RALGPS1: variants seen among roughly 807,000 people sequenced by gnomAD.
RALGPS1 encodes the protein Ral GEF with PH domain and SH3 binding motif 1, also known as ras-specific guanine nucleotide-releasing factor RalGPS1.
RALGPS1 carries 19 observed loss-of-function variants against 78.8 expected under a neutral mutation model. The ratio of observed to expected loss-of-function variants is 0.24; its 90% confidence interval spans 0.17 to 0.35. The LOEUF (loss-of-function observed/expected upper bound fraction) is 0.35, where lower values mean the gene tolerates loss of function less well. RALGPS1 is among the 10% of genes least tolerant of loss of function. The pLI is 1.00. For missense variants in RALGPS1, 454 were observed against 688.3 expected (o/e 0.66, Z 3.81); for synonymous variants, 228 against 256.3 (o/e 0.89, Z 1.06).
chr9:127,127,715 G>A (rs901856899), intron 8 of RALGPS1, among the ~76,000 whole-genome samples: 1 of 152,168 alleles, frequency 6.6e-6, no homozygotes, highest in African/African-American at 2.4e-5. Flanking sequence ...AACCATATGA[G>A]TGAAATATTA....
At chr9:127,055,893 G>A (rs909808751) in intron 7 of RALGPS1, among the ~76,000 whole-genome samples, 9 of 152,204 alleles carry the variant, frequency 5.9e-5, no homozygotes, top group African/African-American at 2.2e-4. Flanking sequence ...TCTCTGTCTT[G>A]GGTGTGGCTG....
In RALGPS1 at chr9:127,161,867, G is replaced by A. The variant is rs1253743984; in HGVS notation, c.611-4202G>A. ...CCCAGCTGTGTGGCCACAGACAAAC[G>A]GTATTCCCGGTGCACTCTCAGCTTC... On this transcript the variant is annotated intron_variant, in intron 8 of 18. Transcript: ENST00000259351. Among the ~76,000 whole-genome samples, 3 of 152,038 alleles carry A rather than the reference G, an allele frequency of 2.0e-5. No individual in the cohort carries two copies. The East Asian group carries it at 5.8e-4, about 29-fold the overall frequency.
At chr9:127,197,885 TCATGGGACCCTCTTCCTTGGAGTGTC>T (rs2061426520) in intron 13 of RALGPS1, among the ~76,000 whole-genome samples, 1 of 152,200 alleles carries the variant, frequency 6.6e-6, no homozygotes. Context: ...CATTCTTTGG[TCATGGGACCCTCTTCCTTGGAGTGTC>T]CAATGGGACC....
intron 9 of RALGPS1, among the ~76,000 whole-genome samples, chr9:127,168,322 C>G (rs2059392863): frequency 6.6e-6 from 1 of 152,180 alleles, no homozygotes; most frequent in African/African-American, 2.4e-5. Flanking sequence ...TTTTAGGGCA[C>G]AGACACCTGG....
intron 1 of RALGPS1, among the ~76,000 whole-genome samples, chr9:126,919,402 T>C (rs1295904009): frequency 1.3e-5 from 2 of 152,210 alleles, no homozygotes; most frequent in Non-Finnish European, 2.9e-5. Flanking sequence ...GCAATCCATG[T>C]ATCTGGATGC....
chr9:126,956,090 G>T (rs12336576), intron 1 of RALGPS1, among the ~76,000 whole-genome samples: 1,582 of 152,316 alleles, frequency 0.01, 107 homozygotes, highest in Admixed American at 0.089. Flanking sequence ...ACTCCCGAGG[G>T]TGTGGCACCT....
At chr9:127,101,285 G>A (rs905264795) in intron 8 of RALGPS1, among the ~76,000 whole-genome samples, 24 of 152,238 alleles carry the variant, frequency 1.6e-4, no homozygotes, top group Non-Finnish European at 7.3e-5. Flanking sequence ...CAGGGCTCAA[G>A]AGGATCACAT....
At chr9:127,157,736 A>G (rs761514241) in intron 8 of RALGPS1, among the ~76,000 whole-genome samples, 6 of 152,092 alleles carry the variant, frequency 3.9e-5, no homozygotes, top group Non-Finnish European at 5.9e-5. Context: ...TGATTATCCT[A>G]AATTGTCTAA....
chr9:127,218,588 G>C lies in RALGPS1; in HGVS notation c.1645-152G>C. 1.3e-6 allele frequency: 1 copy of C among 777,716 alleles called. No homozygotes were observed. The highest frequency in any genetic ancestry group is 2.3e-6 in the Non-Finnish European group (1 of 435,784). The allele number at this position is 777,716 out of a possible 1,614,324, so 48.2% of individuals were successfully genotyped here. Reference sequence around the variant, plus strand: ...TGGCACGCAGCTGCCACTTCACATGGGGTGGCTATTGTTATTGCCATACCC... The same window carrying C: ...TGGCACGCAGCTGCCACTTCACATGCGGTGGCTATTGTTATTGCCATACCC... On this transcript the variant is annotated intron_variant, in intron 18 of 18. Coordinates refer to ENST00000259351, the MANE Select transcript of RALGPS1 (RefSeq NM_014636.3). The surrounding 1 kb of genome is among the most constrained non-coding windows in gnomAD (Gnocchi z 4.4).
intron 11 of RALGPS1, among the ~76,000 whole-genome samples, chr9:127,179,668 A>G (rs2060095866): frequency 6.6e-6 from 1 of 152,192 alleles, no homozygotes; most frequent in Admixed American, 6.5e-5. Context: ...CTTCCCCACA[A>G]AGCTCACATT....
chr9:127,200,316 C>T (rs1258197117), intron 14 of RALGPS1, among the ~76,000 whole-genome samples: 1 of 152,270 alleles, frequency 6.6e-6, no homozygotes, highest in Non-Finnish European at 1.5e-5. Flanking sequence ...CTGTGCCAAG[C>T]ACTGTCCTGG....
chr9:127,209,828 G>A (rs2062142072), intron 14 of RALGPS1, among the ~76,000 whole-genome samples: 1 of 152,206 alleles, frequency 6.6e-6, no homozygotes, highest in African/African-American at 2.4e-5. Flanking sequence ...CAGAGCAACG[G>A]CTGACCATGG....
intron 1 of RALGPS1, among the ~76,000 whole-genome samples, chr9:126,917,032 C>G (rs1024820790): frequency 6.6e-6 from 1 of 152,108 alleles, no homozygotes; most frequent in Non-Finnish European, 1.5e-5. Context: ...GTGGAGCCTT[C>G]TCTACTAACC....
intron 1 of RALGPS1, among the ~76,000 whole-genome samples, chr9:126,917,053 T>C (rs1033307256): frequency 2.0e-5 from 3 of 152,164 alleles, no homozygotes; most frequent in East Asian, 1.9e-4. Context: ...TGAATTTTTT[T>C]TTTTTCACTG....
intron 11 of RALGPS1, among the ~76,000 whole-genome samples, chr9:127,192,804 A>G (rs1478651861): frequency 2.0e-5 from 3 of 152,210 alleles, no homozygotes; most frequent in Non-Finnish European, 2.9e-5. Context: ...ATCTCACGGA[A>G]GAGGTGGTGA....
chr9:126,918,124 A>G (rs2034365084), intron 1 of RALGPS1, among the ~76,000 whole-genome samples: 1 of 152,248 alleles, frequency 6.6e-6, no homozygotes, highest in African/African-American at 2.4e-5. Flanking sequence ...TGTACCCTTA[A>G]CATACATTTT....
chr9:127,178,168 G>A, intron 11 of RALGPS1: 1 of 561,704 alleles, frequency 1.8e-6, no homozygotes, highest in Non-Finnish European at 2.9e-6. Context: ...GGGGGAAGCA[G>A]GAGCGAGCAG....
intron 1 of RALGPS1, among the ~76,000 whole-genome samples, chr9:126,954,350 A>G (rs984117806): frequency 6.6e-6 from 1 of 152,142 alleles, no homozygotes; most frequent in Non-Finnish European, 1.5e-5. Flanking sequence ...TCCATTCCCC[A>G]CGAATCCAAG....
At chr9:126,961,574 T>TG (rs1263069272) in intron 1 of RALGPS1, among the ~76,000 whole-genome samples, 1 of 151,980 alleles carries the variant, frequency 6.6e-6, no homozygotes, top group East Asian at 1.9e-4. Flanking sequence ...GAGGCCCAGG[T>TG]GGGAGGATTG....
Sources: allele counts gnomAD v4.1 joint callset (sites outside exome capture counted in the v4.1 genomes callset), GRCh38; gene constraint gnomAD v4.1.1; non-coding constraint Gnocchi (gnomAD v3.1); transcripts MANE v1.5; gene names NCBI Gene and HGNC (gene_info 2026-07-23, HGNC 2026-07-21).